The following HPD variants were observed in gnomAD, a reference collection of about 807,000 sequenced individuals.
HPD encodes 4-hydroxyphenylpyruvic acid oxidase.
HPD carries 35 observed loss-of-function variants against 56.9 expected under a neutral mutation model. The observed-to-expected ratio is 0.62, with a 90% CI of 0.47 to 0.82. The LOEUF is 0.82. Among genes scored for constraint, HPD ranks in the 40% least tolerant of loss-of-function variants. HPD has a pLI of 0.00. For synonymous variants in HPD, 186 were observed against 200.2 expected, an observed-to-expected ratio of 0.93 and a Z score of 0.60; for missense variants, 442 against 506.8, an observed-to-expected ratio of 0.87 and a Z score of 1.23.
upstream of HPD, chr12:121,859,032 G>A (rs552197959): frequency 1.6e-6 from 1 of 618,330 alleles, no homozygotes; most frequent in African/African-American, 1.8e-5. Context: ...CAGGCCCAGA[G>A]AGGGGCAGTG....
chr12:121,859,406 ACGCT>A (rs1301111540), upstream of HPD, among the ~76,000 whole-genome samples: 3 of 152,156 alleles, frequency 2.0e-5, no homozygotes, highest in Non-Finnish European at 2.9e-5. Flanking sequence ...GGAGATAAGC[ACGCT>A]CTTTGGAACA....
chr12:121,855,155 A>G (rs535329516), intron 6 of HPD, among the ~76,000 whole-genome samples: 137 of 152,352 alleles, frequency 9.0e-4, no homozygotes, highest in African/African-American at 2.8e-3. Flanking sequence ...TTTATTTAGC[A>G]AAACTGGACT....
At chr12:121,865,484 G>T (rs1180211810), upstream of HPD, among the ~76,000 whole-genome samples, 1 of 150,068 alleles carries the variant, frequency 6.7e-6, no homozygotes, top group East Asian at 2.1e-4. Flanking sequence ...TGGCCAGGCT[G>T]GTCTCACACC....
At chr12:121,868,675 C>G in the HPD span, among the ~76,000 whole-genome samples, 2 of 151,906 alleles carry the variant, frequency 1.3e-5, no homozygotes, top group African/African-American at 4.8e-5. Flanking sequence ...CCTGTGCCCC[C>G]ATGCCCAGCT....
intron 11 of HPD, among the ~76,000 whole-genome samples, chr12:121,844,133 C>T (rs1877497290): frequency 2.6e-5 from 4 of 152,144 alleles, no homozygotes; most frequent in Admixed American, 2.6e-4. Flanking sequence ...TCACTGCAAC[C>T]TCTGCCTCCC....
At chr12:121,877,302 C>G in the HPD span, among the ~76,000 whole-genome samples, 1 of 152,102 alleles carries the variant, frequency 6.6e-6, no homozygotes, top group African/African-American at 2.4e-5. Context: ...TCTCCTTACC[C>G]CAAATCCTAG....
At chr12:121,850,870 T>C (rs888180188) in intron 7 of HPD, among the ~76,000 whole-genome samples, 3 of 150,608 alleles carry the variant, frequency 2.0e-5, no homozygotes, top group African/African-American at 7.3e-5. Context: ...GGCTAATTTT[T>C]TTTTTTTTTT....
At chr12:121,888,273 T>C in the HPD span, among the ~76,000 whole-genome samples, 1 of 152,106 alleles carries the variant, frequency 6.6e-6, no homozygotes, top group African/African-American at 2.4e-5. Context: ...ATGAGATAGA[T>C]TGCTATCAAT....
chr12:121,879,482 GTTCTC>G, the HPD span, among the ~76,000 whole-genome samples: 13 of 147,894 alleles, frequency 8.8e-5, no homozygotes, highest in Admixed American at 1.4e-4. Context: ...TTTCTCTTCT[GTTCTC>G]TTCTCTTCTC....
intron 4 of HPD, 96 bp downstream of exon 4, chr12:121,857,232 A>C (rs558456761): frequency 1.3e-5 from 11 of 838,704 alleles, no homozygotes; most frequent in African/African-American, 5.0e-5. Flanking sequence ...GGTGCCCACC[A>C]TCATGCCCAG....
rs764978864 is a variant in HPD, at chr12:121,856,573, G to A, written c.241+10C>T. On this transcript the variant is annotated intron_variant, in intron 5 of 13. Transcript: ENST00000289004. ...CAGAGCCATGCGTCCACCCTCCCCG[G>A]GCACCTCACCTTTGTTCCAGGGGTT... 23 of 1,613,756 alleles carry A rather than the reference G, an allele frequency of 1.4e-5. No individual in the cohort carries two copies. Among genetic ancestry groups the A allele is most frequent in the Non-Finnish European group, 1.9e-5 (22 of 1,179,862 alleles).
At chr12:121,855,712 GAC>G (rs548562689) in intron 6 of HPD, among the ~76,000 whole-genome samples, 6 of 147,818 alleles carry the variant, frequency 4.1e-5, no homozygotes, top group African/African-American at 1.2e-4. Flanking sequence ...GCAAGACTCT[GAC>G]ACACACACAC....
At chr12:121,873,162 T>TTCA in the HPD span, among the ~76,000 whole-genome samples, 2 of 152,138 alleles carry the variant, frequency 1.3e-5, no homozygotes, top group African/African-American at 4.8e-5. Context: ...TTTAGCAGTT[T>TTCA]TTATTATTAT....
At chr12:121,847,611 C>T (rs531576628) in intron 9 of HPD, among the ~76,000 whole-genome samples, 5 of 152,276 alleles carry the variant, frequency 3.3e-5, no homozygotes, top group Admixed American at 2.0e-4. Flanking sequence ...AATCTCGGCT[C>T]GCTGCAGCTG....
chr12:121,853,702 G>A (rs1432112823), intron 7 of HPD, among the ~76,000 whole-genome samples: 2 of 151,844 alleles, frequency 1.3e-5, no homozygotes, highest in Non-Finnish European at 2.9e-5. Context: ...CCAGCACTTT[G>A]GGAGGCTGAG....
upstream of HPD, among the ~76,000 whole-genome samples, chr12:121,867,872 G>T (rs1878366487): frequency 6.6e-6 from 1 of 152,130 alleles, no homozygotes; most frequent in African/African-American, 2.4e-5. Flanking sequence ...GTTTTGCTAT[G>T]TTGCCCAGGC....
the HPD span, among the ~76,000 whole-genome samples, chr12:121,877,588 C>T: frequency 6.6e-6 from 1 of 152,106 alleles, no homozygotes; most frequent in African/African-American, 2.4e-5. Context: ...CAAAAATGAG[C>T]CGAGTGTGGT....
rs536479295 is a variant in HPD at position 121,850,421 on chromosome 12, C to T, written c.415-631G>A. 4.2e-4 allele frequency among the ~76,000 whole-genome samples: 54 copies of T among 127,784 alleles called. No individual in the cohort carries two copies. The South Asian group carries it at 0.011, about 27-fold the overall frequency. The allele number at this position is 127,784 out of a possible 152,430, so 83.8% of individuals were successfully genotyped here. On this transcript the variant is annotated intron_variant, in intron 7 of 13. Transcript: ENST00000289004. ...CAGCCTGGGCGACAGAATGAGACTCCGTCTCAAAAAAAAAATTATACTGAA... is the reference window on the plus strand; with the variant it reads ...CAGCCTGGGCGACAGAATGAGACTCTGTCTCAAAAAAAAAATTATACTGAA...
chr12:121,888,468 G>T, the HPD span, among the ~76,000 whole-genome samples: 1 of 152,182 alleles, frequency 6.6e-6, no homozygotes, highest in Non-Finnish European at 1.5e-5. Flanking sequence ...TGGATGTGAA[G>T]AACTGAATTG....
Sources: gnomAD v4.1 joint callset for allele counts (sites outside exome capture counted in the v4.1 genomes callset) on GRCh38, gnomAD v4.1.1 for gene constraint, MANE v1.5 for transcripts, NCBI Gene and HGNC (gene_info 2026-07-23, HGNC 2026-07-21) for gene names.